APOD: variants seen among roughly 807,000 people sequenced by gnomAD.
The protein encoded by APOD is apo-D.
In APOD, 22 loss-of-function variants were observed where a neutral mutation model predicts 20.4. The ratio of observed to expected loss-of-function variants is 1.08; its 90% confidence interval spans 0.77 to 1.54. The LOEUF (loss-of-function observed/expected upper bound fraction) is 1.54, where lower values mean the gene tolerates loss of function less well. Ranked by LOEUF, APOD falls within the 40% of genes most tolerant of loss-of-function variation. The pLI, the probability that APOD is intolerant of heterozygous loss-of-function variation, is 0.00. For missense variants in APOD, 223 were observed against 229.6 expected (o/e 0.97, Z 0.19); for synonymous variants, 97 against 92.4 (o/e 1.05, Z -0.29).
chr3:195,570,046 G>A lies in APOD; in HGVS notation c.335-911C>T, dbSNP rs866347860. On this transcript the variant is annotated intron_variant, in intron 4 of 4. Transcript: ENST00000343267. Reference sequence around the variant, plus strand: ...GAACTCCTGACTTCGTGATATGCCTGTATTCAGGCCTTCTTCTATGTTCCA... The same window carrying A: ...GAACTCCTGACTTCGTGATATGCCTATATTCAGGCCTTCTTCTATGTTCCA... 2.0e-5 allele frequency among the ~76,000 whole-genome samples: 3 copies of A among 151,952 alleles called. No homozygotes were observed. The Middle Eastern group carries it at 0.01, about 517-fold the overall frequency.
At chr3:195,571,038 C>T (rs207464213) in intron 4 of APOD, 12 of 544,110 alleles carry the variant, frequency 2.2e-5, no homozygotes, top group Admixed American at 3.1e-5. Flanking sequence ...TAGTAAATTG[C>T]GGGGTCACGT....
Position 195,581,637 on chromosome 3 carries a change from G to A in APOD, c.-34-2142C>T, listed in dbSNP as rs76346003. On this transcript the variant is annotated intron_variant, in intron 1 of 4. Coordinates refer to ENST00000343267, the MANE Select transcript of APOD (RefSeq NM_001647.4). ...CCCCCTCTCCTGTCTGCAGCACCCC[G>A]AATCTGCTTCTTCTGTGCACCGCCA... Among the ~76,000 whole-genome samples, 1,470 of 152,286 alleles carry A rather than the reference G, an allele frequency of 9.7e-3. 20 individuals are homozygous for A. Among genetic ancestry groups the A allele is most frequent in the Non-Finnish European group, 0.016 (1,113 of 68,032 alleles).
chr3:195,574,084 C>A, intron 2 of APOD, 113 bp from the exon 3 acceptor site: 1 of 1,428,576 alleles, frequency 7.0e-7, no homozygotes, highest in Non-Finnish European at 9.4e-7. Flanking sequence ...ACAAAATGGG[C>A]CTCATTGTTC....
intron 2 of APOD, among the ~76,000 whole-genome samples, chr3:195,576,908 C>T (rs1414496006): frequency 2.6e-5 from 4 of 151,020 alleles, no homozygotes; most frequent in Admixed American, 1.3e-4. Flanking sequence ...AGGCCGGGCA[C>T]GGTGGCTTGC....
rs757093834 is a variant in APOD, at chr3:195,573,941, T to C, written c.154A>G (p.Ile52Val). 1.2e-6 allele frequency: 2 copies of C among 1,614,186 alleles called. No homozygotes were observed. Among genetic ancestry groups the C allele is most frequent in the Non-Finnish European group, 1.7e-6 (2 of 1,180,022 alleles). ...YLGRWYEIEK[I>V]PTTFENGRCI... ...CGTCCATTCTCAAAGGTTGTTGGGA[T>C]CTTCTCAATTTCGTACCATCTTCCG... Residue 52 changes from isoleucine to valine, a missense_variant, in exon 3 of 5, where the codon ATC becomes GTC. Transcript: ENST00000343267.
At chr3:195,580,709 G>A (rs577872307) in intron 1 of APOD, among the ~76,000 whole-genome samples, 2 of 152,240 alleles carry the variant, frequency 1.3e-5, no homozygotes, top group East Asian at 3.9e-4. Flanking sequence ...CCGGCCTGTT[G>A]AGGGTATTTT....
At chr3:195,572,519 C>G (rs1036735840) in intron 3 of APOD, among the ~76,000 whole-genome samples, 16 of 152,170 alleles carry the variant, frequency 1.1e-4, no homozygotes, top group African/African-American at 3.9e-4. Flanking sequence ...TTGAATGAGC[C>G]TGCTTTCTAG....
intron 2 of APOD, among the ~76,000 whole-genome samples, chr3:195,577,608 C>A (rs541128444): frequency 5.4e-4 from 83 of 152,314 alleles, no homozygotes; most frequent in Non-Finnish European, 1.1e-3. Context: ...GTAATCAACA[C>A]TGTGTGGTAC....
At chr3:195,571,400 A>C in intron 3 of APOD, 35 bp from the exon 4 acceptor site, 3 of 1,560,058 alleles carry the variant, frequency 1.9e-6, no homozygotes, top group Non-Finnish European at 2.6e-6. Flanking sequence ...AATACAAAAA[A>C]CGAAAAGAGA....
chr3:195,580,883 T>C lies in APOD; in HGVS notation c.-34-1388A>G, dbSNP rs1720327266. On this transcript the variant is annotated intron_variant, in intron 1 of 4. Coordinates refer to ENST00000343267, the MANE Select transcript of APOD (RefSeq NM_001647.4). Reference sequence around the variant, plus strand: ...CAGGACTGTGTGCAGGTTCTGGGCATTGGAAGCTCCCCTGTTTCCTTCACT... The same window carrying C: ...CAGGACTGTGTGCAGGTTCTGGGCACTGGAAGCTCCCCTGTTTCCTTCACT... Among the ~76,000 whole-genome samples, 3 of 152,156 alleles carry C rather than the reference T, an allele frequency of 2.0e-5. No individual in the cohort carries two copies. The South Asian group carries it at 6.2e-4, about 32-fold the overall frequency.
At chr3:195,581,709 C>T (rs944591642) in intron 1 of APOD, among the ~76,000 whole-genome samples, 3 of 152,240 alleles carry the variant, frequency 2.0e-5, no homozygotes, top group African/African-American at 7.2e-5. Context: ...ATGAGTCTCA[C>T]CACCACATGA....
chr3:195,578,677 T>C (rs1248477351), intron 2 of APOD, among the ~76,000 whole-genome samples: 1 of 152,202 alleles, frequency 6.6e-6, no homozygotes, highest in Non-Finnish European at 1.5e-5. Flanking sequence ...TGGAGAATTT[T>C]GGGCTTTCCT....
At chr3:195,577,846 G>A (rs1318996880) in intron 2 of APOD, among the ~76,000 whole-genome samples, 2 of 152,194 alleles carry the variant, frequency 1.3e-5, no homozygotes, top group African/African-American at 4.8e-5. Context: ...CAAATATGCA[G>A]AATAGGCAAA....
rs560470982 is a variant in APOD at position 195,572,664 on chromosome 3, C to T, written c.245+1186G>A. On this transcript the variant is annotated intron_variant, in intron 3 of 4. Coordinates refer to ENST00000343267, the MANE Select transcript of APOD (RefSeq NM_001647.4). ...AGGAGAGGATGTCTGTTTATCAATC[C>T]TCAAGGCAGAGCAGGGAGGCCAACT... Among the ~76,000 whole-genome samples the T allele has an allele frequency of 1.0e-3, 154 of 152,192 alleles. No individual in the cohort carries two copies. The Middle Eastern group carries it at 0.01, about 10-fold the overall frequency.
intron 2 of APOD, among the ~76,000 whole-genome samples, chr3:195,575,417 T>C (rs983557724): frequency 6.6e-6 from 1 of 152,194 alleles, no homozygotes; most frequent in African/African-American, 2.4e-5. Context: ...TGGACACCTT[T>C]GGAAGCCACT....
intron 3 of APOD, among the ~76,000 whole-genome samples, chr3:195,572,916 T>C (rs112090590): frequency 0.033 from 5,038 of 152,192 alleles, 248 homozygotes; most frequent in African/African-American, 0.1. Context: ...ACGGATGTCC[T>C]AGAAACAGGA....
At chr3:195,578,720 C>A (rs1291165462) in intron 2 of APOD, among the ~76,000 whole-genome samples, 3 of 152,174 alleles carry the variant, frequency 2.0e-5, no homozygotes, top group Non-Finnish European at 2.9e-5. Context: ...GGGTGCCCTG[C>A]ACTGCTGAGA....
rs141258760 is a variant in APOD at position 195,569,384 on chromosome 3, C to CAGAG, written c.335-253_335-250dup. On this transcript the variant is annotated intron_variant, in intron 4 of 4. Coordinates refer to ENST00000343267, the MANE Select transcript of APOD (RefSeq NM_001647.4). ...TGCCTCACTCACCCAGAGAGAGAGA[C>CAGAG]AGAGAGAGAGAGAGAGACAGCGTTA... 4.7e-5 allele frequency among the ~76,000 whole-genome samples: 7 copies of CAGAG among 150,516 alleles called. No homozygotes were observed. The South Asian group carries it at 8.4e-4, about 18-fold the overall frequency.
intron 2 of APOD, among the ~76,000 whole-genome samples, chr3:195,575,598 T>C (rs1321837046): frequency 6.6e-6 from 1 of 152,168 alleles, no homozygotes; most frequent in Non-Finnish European, 1.5e-5. Flanking sequence ...TTTTGAACAA[T>C]GTAAATATAT....
Sources: gnomAD v4.1 joint callset for allele counts (sites outside exome capture counted in the v4.1 genomes callset) on GRCh38, gnomAD v4.1.1 for gene constraint, MANE v1.5 for transcripts, NCBI Gene and HGNC (gene_info 2026-07-23, HGNC 2026-07-21) for gene names.